The following TESMIN variants were observed in gnomAD, a reference collection of about 807,000 sequenced individuals.
The protein encoded by TESMIN is CXC domain containing 2.
A neutral mutation model predicts 47.4 loss-of-function variants in TESMIN; 34 were observed. That is an observed-to-expected ratio of 0.72 (90% CI 0.55 to 0.96). The LOEUF is 0.96. Among genes scored for constraint, TESMIN ranks in the 40% least tolerant of loss-of-function variants. TESMIN has a pLI of 0.00. For synonymous variants in TESMIN, 278 were observed against 258.9 expected (o/e 1.07, Z -0.71); for missense variants, 610 against 637.2 (o/e 0.96, Z 0.46).
At chr11:68,740,209 T>C (rs1229161635) in intron 5 of TESMIN, among the ~76,000 whole-genome samples, 4 of 152,158 alleles carry the variant, frequency 2.6e-5, no homozygotes, top group Admixed American at 6.5e-5. Context: ...AACCTGAGGT[T>C]CTGCACTTCT....
chr11:68,745,132 C>T, intron 3 of TESMIN, 21 bp from the exon 4 acceptor site: 1 of 1,573,454 alleles, frequency 6.4e-7, no homozygotes, highest in Non-Finnish European at 8.6e-7. Context: ...AAAGAACAAT[C>T]AGGTTTCATT....
At chr11:68,724,333 G>T (rs554107195) in intron 6 of TESMIN, among the ~76,000 whole-genome samples, 2 of 152,118 alleles carry the variant, frequency 1.3e-5, no homozygotes, top group South Asian at 2.1e-4. Flanking sequence ...TTATAATTCC[G>T]ATAATTATAA....
chr11:68,724,303 T>C (rs1946235984), intron 6 of TESMIN, among the ~76,000 whole-genome samples: 2 of 152,146 alleles, frequency 1.3e-5, no homozygotes, highest in Non-Finnish European at 2.9e-5. Flanking sequence ...AGGCACTCAA[T>C]AAAATTCACC....
At chr11:68,735,544 T>C (rs1353485072) in intron 6 of TESMIN, among the ~76,000 whole-genome samples, 1 of 152,206 alleles carries the variant, frequency 6.6e-6, no homozygotes, top group Non-Finnish European at 1.5e-5. Context: ...CTGTTTAATA[T>C]ACAGTGCCTG....
In TESMIN at chr11:68,738,759, G is replaced by A. The variant is rs149517757; in HGVS notation, c.858C>T (p.Asn286=). ...QLEGALPSVV[N]GSAFPSGSTL... ...TTGATCCCGAGGGGAAAGCAGACCC[G>A]TTGACTACCGATGGTAAGGCTCCCT... Residue 286 remains asparagine (N), a synonymous_variant, in exon 6 of 10, where the codon AAC becomes AAT. Coordinates refer to ENST00000255087, the MANE Select transcript of TESMIN (RefSeq NM_004923.3). 2.0e-4 allele frequency: 329 copies of A among 1,613,986 alleles called. No individual in the cohort carries two copies. In the African/African-American group the frequency reaches 3.3e-3, roughly 16 times the overall value.
chr11:68,713,195 T>C, intron 8 of TESMIN, 75 bp downstream of exon 8: 1 of 1,439,558 alleles, frequency 6.9e-7, no homozygotes, highest in Admixed American at 2.3e-5. Flanking sequence ...TACAGCAAAG[T>C]TTTTTTAACC....
intron 6 of TESMIN, chr11:68,737,306 C>T (rs1566322555): frequency 1.0e-6 from 1 of 985,512 alleles, no homozygotes; most frequent in Non-Finnish European, 1.2e-6. Context: ...TTGTCAACAG[C>T]CTAGGCACAG....
At chr11:68,748,626 T>C (rs1946550644) in intron 2 of TESMIN, among the ~76,000 whole-genome samples, 1 of 152,250 alleles carries the variant, frequency 6.6e-6, no homozygotes, top group East Asian at 1.9e-4. Flanking sequence ...AATTAGCAAC[T>C]GATCCTGAAT....
At chr11:68,716,663 C>T (rs2153990921) in intron 6 of TESMIN, among the ~76,000 whole-genome samples, 1 of 152,234 alleles carries the variant, frequency 6.6e-6, no homozygotes, top group East Asian at 1.9e-4. Flanking sequence ...GGCAGCCAGT[C>T]TCCCTCCCAA....
rs1946235628 is a variant in TESMIN, at chr11:68,724,275, T to C, written c.918-8336A>G. 3.3e-5 allele frequency among the ~76,000 whole-genome samples: 5 copies of C among 152,198 alleles called. No individual in the cohort carries two copies. The South Asian group carries it at 1.0e-3, about 31-fold the overall frequency. ...TAAAAGAGGAAAACAATCTGATCAT[T>C]TCAACAAATACATAAAAAGGCACTC... is the stretch of plus-strand genomic sequence containing the variant. On this transcript the variant is annotated intron_variant, in intron 6 of 9. Coordinates refer to ENST00000255087, the MANE Select transcript of TESMIN (RefSeq NM_004923.3).
rs532570341 is a variant in TESMIN at position 68,718,529 on chromosome 11, G to C, written c.918-2590C>G. ...AGAAAATCCAACATTTATATAGTAA[G>C]AATTTCAGAAATACTGAATATTAAG... On this transcript the variant is annotated intron_variant, in intron 6 of 9. Transcript: ENST00000255087. 2.0e-5 allele frequency among the ~76,000 whole-genome samples: 3 copies of C among 152,290 alleles called. No individual in the cohort carries two copies. The South Asian group carries it at 6.2e-4, about 32-fold the overall frequency.
At chr11:68,746,761 C>CA (rs1384080794) in intron 3 of TESMIN, among the ~76,000 whole-genome samples, 1 of 152,104 alleles carries the variant, frequency 6.6e-6, no homozygotes, top group Non-Finnish European at 1.5e-5. Context: ...AATAAAGGTG[C>CA]AAAAATATGA....
intron 6 of TESMIN, among the ~76,000 whole-genome samples, chr11:68,725,647 G>C (rs1444091165): frequency 6.6e-6 from 1 of 151,892 alleles, no homozygotes; most frequent in African/African-American, 2.4e-5. Context: ...TTTTGTTGTT[G>C]TTGTTGTTGG....
chr11:68,711,033 G>T lies in TESMIN; in HGVS notation c.1175C>A (p.Ser392Tyr). The change falls in exon 9 of 10, where the codon TCT (serine) becomes TAT (tyrosine). Residue 392 changes from serine (S) to tyrosine (Y), a missense_variant. By Grantham distance (144) the Ser-to-Tyr change is moderately radical. Transcript: ENST00000255087. ...GCAACCAATGCATTTGCAAATAGAA[G>T]AACACATAATTTGGGCCTGGTAATA... Reference protein sequence around the residue: ...CECYEAQIMCSSICKCIGCKN... With the variant: ...CECYEAQIMCYSICKCIGCKN... The T allele has an allele frequency of 1.2e-6, 2 of 1,608,510 alleles. No individual in the cohort carries two copies. Among genetic ancestry groups the T allele is most frequent in the Non-Finnish European group, 1.7e-6 (2 of 1,178,074 alleles).
intron 6 of TESMIN, among the ~76,000 whole-genome samples, chr11:68,734,877 G>C (rs17882132): frequency 0.15 from 22,955 of 152,164 alleles, 2,428 homozygotes; most frequent in African/African-American, 0.29. Context: ...CGGGGCTGAG[G>C]TCAGTTCCAA....
chr11:68,715,854 G>T lies in TESMIN; in HGVS notation c.1003C>A (p.Arg335=). 6.2e-7 allele frequency: 1 copy of T among 1,607,194 alleles called. No individual in the cohort carries two copies. Among genetic ancestry groups the T allele is most frequent in the Non-Finnish European group, 8.5e-7 (1 of 1,173,926 alleles). The change falls in exon 7 of 10, where the codon CGG becomes AGG. Residue 335 remains arginine, a synonymous_variant. Transcript: ENST00000255087. The part of the protein sequence containing the change: ...CCNNLHHDIE[R]FKAIKACLGR... ...TTTATTACCTTAATGGCTTTAAACC[G>T]TTCAATATCATGATGCAAGTTGTTG...
chr11:68,750,345 G>T lies in TESMIN; in HGVS notation c.316C>A (p.Leu106Met). 1 of 1,503,908 alleles carries T rather than the reference G, an allele frequency of 6.6e-7. No individual in the cohort carries two copies. The highest frequency in any genetic ancestry group is 8.9e-7 in the Non-Finnish European group (1 of 1,127,228). The allele number at this position is 1,503,908 out of a possible 1,614,324, so 93.2% of individuals were successfully genotyped here. ...GCCTGCAGGAGCGCGACGTCCTCCAGCGCGCTGAGCTCTGGGATCCCGGGG... is the reference window on the plus strand; with the variant it reads ...GCCTGCAGGAGCGCGACGTCCTCCATCGCGCTGAGCTCTGGGATCCCGGGG... ...EYPGIPELSA[L>M]EDVALLQAPQ... Residue 106 changes from leucine to methionine, a missense_variant, in exon 2 of 10, where the codon CTG becomes ATG. Coordinates refer to ENST00000255087, the MANE Select transcript of TESMIN (RefSeq NM_004923.3).
In TESMIN at chr11:68,721,558, G is replaced by A. The variant is rs192139772; in HGVS notation, c.918-5619C>T. 1.3e-4 allele frequency among the ~76,000 whole-genome samples: 20 copies of A among 152,324 alleles called. No individual in the cohort carries two copies. The East Asian group carries it at 3.5e-3, about 26-fold the overall frequency. ...TGTGAGTGCTGGGAGGGCAGGGACC[G>A]TAACTCTCTTGCTCACTCTGTCTTC... On this transcript the variant is annotated intron_variant, in intron 6 of 9. Transcript: ENST00000255087.
At chr11:68,722,258 T>C (rs1594289858) in intron 6 of TESMIN, among the ~76,000 whole-genome samples, 1 of 152,152 alleles carries the variant, frequency 6.6e-6, no homozygotes, top group Middle Eastern at 3.4e-3. Context: ...TTACCAGAGA[T>C]TGGGGAAAGG....
Sources: allele counts gnomAD v4.1 joint callset (sites outside exome capture counted in the v4.1 genomes callset), GRCh38; gene constraint gnomAD v4.1.1; transcripts MANE v1.5; gene names NCBI Gene and HGNC (gene_info 2026-07-23, HGNC 2026-07-21).